PSD3: variants seen among roughly 807,000 people sequenced by gnomAD.
PSD3 encodes pleckstrin and Sec7 domain containing 3.
A neutral mutation model predicts 105.5 loss-of-function variants in PSD3; 49 were observed. The observed-to-expected ratio is 0.46, with a 90% CI of 0.37 to 0.59. The LOEUF is 0.59. PSD3 is among the 20% of genes least tolerant of loss of function. PSD3 has a pLI of 0.00. For synonymous variants in PSD3, 557 were observed against 457.8 expected (o/e 1.22, Z -2.77); for missense variants, 1,561 against 1,263.8 (o/e 1.24, Z -3.57).
chr8:18,763,510 A>G (rs1169353257), intron 9 of PSD3, among the ~76,000 whole-genome samples: 2 of 152,192 alleles, frequency 1.3e-5, no homozygotes. Flanking sequence ...CCAATAATTT[A>G]TCTCAGCAGG....
chr8:19,050,374 G>A (rs997740646), intron 1 of PSD3, among the ~76,000 whole-genome samples: 1 of 152,092 alleles, frequency 6.6e-6, no homozygotes, highest in Non-Finnish European at 1.5e-5. Flanking sequence ...CTGCTATAAA[G>A]ACACATGCAC....
chr8:18,969,334 TA>T (rs1489071366), intron 1 of PSD3, among the ~76,000 whole-genome samples: 2 of 152,216 alleles, frequency 1.3e-5, no homozygotes, highest in Non-Finnish European at 1.5e-5. Context: ...ATAAGACATC[TA>T]AATTTCGATG....
chr8:18,805,619 T>C (rs527464426), intron 4 of PSD3, among the ~76,000 whole-genome samples: 8 of 152,344 alleles, frequency 5.3e-5, no homozygotes, highest in Non-Finnish European at 1.0e-4. Context: ...TTAAAATCTA[T>C]CTTATACTTT....
intron 11 of PSD3, among the ~76,000 whole-genome samples, chr8:18,631,654 A>C (rs28435169): frequency 0.056 from 8,488 of 151,868 alleles, 490 homozygotes; most frequent in African/African-American, 0.15. Flanking sequence ...TTGTGGGATA[A>C]AATTAAGTAG....
intron 9 of PSD3, among the ~76,000 whole-genome samples, chr8:18,746,605 C>A (rs1191549871): frequency 2.0e-5 from 3 of 152,182 alleles, no homozygotes; most frequent in Admixed American, 6.5e-5. Context: ...ATAGCTCATA[C>A]CCCTGTAAAA....
intron 8 of PSD3, among the ~76,000 whole-genome samples, chr8:18,781,076 C>CCA (rs1483347711): frequency 6.6e-6 from 1 of 151,986 alleles, no homozygotes; most frequent in African/African-American, 2.4e-5. Context: ...TGCTTTTCAC[C>CCA]ACTTTGGAGT....
intron 1 of PSD3, among the ~76,000 whole-genome samples, chr8:19,031,083 G>A (rs1283107816): frequency 2.0e-5 from 3 of 152,156 alleles, no homozygotes; most frequent in Non-Finnish European, 2.9e-5. Context: ...CCAGCAGCAC[G>A]ATATACCACT....
At chr8:18,685,993 TTTC>T (rs1233227858) in intron 9 of PSD3, among the ~76,000 whole-genome samples, 1 of 152,194 alleles carries the variant, frequency 6.6e-6, no homozygotes, top group Non-Finnish European at 1.5e-5. Context: ...CCTGATGAAC[TTTC>T]TTTTCTCCAC....
intron 1 of PSD3, among the ~76,000 whole-genome samples, chr8:19,066,843 C>A (rs887278039): frequency 1.3e-5 from 2 of 152,300 alleles, no homozygotes; most frequent in Middle Eastern, 3.4e-3. Context: ...CACTTCTGGC[C>A]GGAAGCTTTT....
At chr8:18,553,124 G>A (rs1371647495) in intron 15 of PSD3, among the ~76,000 whole-genome samples, 1 of 152,094 alleles carries the variant, frequency 6.6e-6, no homozygotes, top group Non-Finnish European at 1.5e-5. Flanking sequence ...TAACACTCCT[G>A]GTGTTATTAC....
intron 1 of PSD3, among the ~76,000 whole-genome samples, chr8:19,046,308 C>A (rs1384516356): frequency 2.6e-5 from 4 of 152,128 alleles, no homozygotes; most frequent in Non-Finnish European, 5.9e-5. Context: ...GACGGGGTTT[C>A]ACCATATTGG....
intron 11 of PSD3, among the ~76,000 whole-genome samples, chr8:18,623,299 G>A (rs76665230): frequency 1.3e-5 from 2 of 151,250 alleles, no homozygotes; most frequent in Non-Finnish European, 2.9e-5. Flanking sequence ...GCAATCAGAT[G>A]TTCTATTGAG....
At chr8:18,745,480 G>C (rs1804932292) in intron 9 of PSD3, among the ~76,000 whole-genome samples, 1 of 152,056 alleles carries the variant, frequency 6.6e-6, no homozygotes, top group Non-Finnish European at 1.5e-5. Context: ...AGGTTGGCTA[G>C]GTTGGCCTTC....
chr8:18,648,704 T>A (rs1808241363), intron 10 of PSD3, among the ~76,000 whole-genome samples: 1 of 152,210 alleles, frequency 6.6e-6, no homozygotes, highest in Non-Finnish European at 1.5e-5. Flanking sequence ...CAGAGACCTT[T>A]GCAGCAGCCC....
intron 1 of PSD3, among the ~76,000 whole-genome samples, chr8:19,062,189 C>A (rs1490330069): frequency 6.6e-5 from 10 of 152,138 alleles, no homozygotes; most frequent in Admixed American, 6.6e-5. Flanking sequence ...AGCAACTGAA[C>A]AAAAATGCTA....
intron 15 of PSD3, among the ~76,000 whole-genome samples, chr8:18,536,691 T>C (rs542533767): frequency 9.3e-4 from 142 of 152,346 alleles, no homozygotes; most frequent in Non-Finnish European, 1.6e-3. Context: ...TTCAAACAGT[T>C]CCTTGATTCC....
intron 1 of PSD3, among the ~76,000 whole-genome samples, chr8:18,946,763 G>A (rs1343225949): frequency 6.6e-6 from 1 of 151,518 alleles, no homozygotes; most frequent in African/African-American, 2.4e-5. Flanking sequence ...AAGTTAGCTA[G>A]GTGCTGGGGG....
chr8:18,852,490 G>A (rs976606167), intron 4 of PSD3, among the ~76,000 whole-genome samples: 1 of 152,138 alleles, frequency 6.6e-6, no homozygotes, highest in African/African-American at 2.4e-5. Context: ...CTGCCTATGG[G>A]GTACATGTGT....
chr8:18,782,374 C>T (rs1043891168), intron 8 of PSD3, among the ~76,000 whole-genome samples: 4 of 151,852 alleles, frequency 2.6e-5, no homozygotes, highest in South Asian at 2.1e-4. Flanking sequence ...TTGGGTAAGG[C>T]GTTTTGGCTT....
Sources: gnomAD v4.1 joint callset for allele counts (sites outside exome capture counted in the v4.1 genomes callset) on GRCh38, gnomAD v4.1.1 for gene constraint, MANE v1.5 for transcripts, NCBI Gene and HGNC (gene_info 2026-07-23, HGNC 2026-07-21) for gene names.